GIT2: variants seen among roughly 807,000 people sequenced by gnomAD.
GIT2 encodes ARF GTPase-activating protein GIT2.
Under a neutral mutation model 100.3 loss-of-function variants are expected in GIT2, and 32 were observed. The observed-to-expected ratio is 0.32, with a 90% CI of 0.24 to 0.43. The LOEUF (loss-of-function observed/expected upper bound fraction) is 0.43. GIT2 is among the 20% of genes least tolerant of loss of function. The pLI is 1.00. For synonymous variants in GIT2, 353 were observed against 364.1 expected (o/e 0.97, Z 0.35); for missense variants, 737 against 975.1 (o/e 0.76, Z 3.25).
Position 109,948,748 on chromosome 12 carries a change from TAGG to T in GIT2, c.1393-1247_1393-1245del. On this transcript the variant is annotated intron_variant, in intron 14 of 19. Coordinates refer to ENST00000355312, the MANE Select transcript of GIT2 (RefSeq NM_057169.5). This position sits in a 1 kb window ranked among gnomAD's most constrained non-coding sequence, Gnocchi z 4.3. The stretch of plus-strand genomic sequence containing the variant: ...TTTCAGTAGCAAACCCATTCAATGT[TAGG>T]AGTTACTTTCAATTTTTATTTAGAA... 1 of 1,565,992 alleles carries T rather than the reference TAGG, an allele frequency of 6.4e-7. No individual in the cohort carries two copies. The highest frequency in any genetic ancestry group is 1.2e-5 in the South Asian group (1 of 82,746).
At chr12:109,980,348 C>T (rs149979537) in intron 7 of GIT2, among the ~76,000 whole-genome samples, 2 of 152,296 alleles carry the variant, frequency 1.3e-5, no homozygotes, top group East Asian at 1.9e-4. Context: ...GGATTACAGA[C>T]ATGACCCGTT....
At chr12:109,998,936 T>A (rs150701920), upstream of GIT2, 1 of 152,274 alleles carries the variant, frequency 6.6e-6, no homozygotes, top group Non-Finnish European at 1.5e-5. Flanking sequence ...TGAGAAATCA[T>A]GAAGTAGAAA....
At chr12:109,976,536 G>A (rs1324255426) in intron 7 of GIT2, among the ~76,000 whole-genome samples, 12 of 150,644 alleles carry the variant, frequency 8.0e-5, no homozygotes, top group Non-Finnish European at 1.5e-4. Flanking sequence ...TGCCCACCTC[G>A]GCCTCCCAAA....
intron 11 of GIT2, among the ~76,000 whole-genome samples, chr12:109,960,394 CGGGA>C (rs1162996653): frequency 6.6e-6 from 1 of 152,012 alleles, no homozygotes; most frequent in Non-Finnish European, 1.5e-5. Context: ...GAGGCTGAGG[CGGGA>C]GGATCACTTG....
At chr12:109,967,630 G>C (rs1882831671) in intron 7 of GIT2, 127 bp from the exon 8 acceptor site, 1 of 686,726 alleles carries the variant, frequency 1.5e-6, no homozygotes, top group African/African-American at 1.8e-5. Flanking sequence ...GAGTCATGTT[G>C]CTAGACTAGC....
chr12:109,945,228 C>T, intron 16 of GIT2, 32 bp downstream of exon 16: 1 of 1,095,964 alleles, frequency 9.1e-7, no homozygotes, highest in Non-Finnish European at 1.4e-6. Flanking sequence ...GGCCCCTCCT[C>T]CAGAGAGCAG....
Position 109,934,749 on chromosome 12 carries a change from C to G in GIT2, c.2004-664G>C, listed in dbSNP as rs1034909529. ...GTCATAAGCAACTTATGCACTTCAC[C>G]TTTGTAACAAGTCTAGTTTCAAAAC... is the stretch of plus-strand genomic sequence containing the variant. On this transcript the variant is annotated intron_variant, in intron 18 of 19. Transcript: ENST00000355312. This position sits in a 1 kb window ranked among gnomAD's most constrained non-coding sequence, Gnocchi z 4.5. Among the ~76,000 whole-genome samples, 3 of 152,102 alleles carry G rather than the reference C, an allele frequency of 2.0e-5. No individual in the cohort carries two copies. The highest frequency in any genetic ancestry group is 7.2e-5 in the African/African-American group (3 of 41,434).
At chr12:109,965,918 T>C (rs369572441) in intron 8 of GIT2, among the ~76,000 whole-genome samples, 3 of 151,482 alleles carry the variant, frequency 2.0e-5, no homozygotes, top group East Asian at 1.9e-4. Flanking sequence ...TAAGAAAATA[T>C]GTCGGGCTCG....
At position 109,996,156 on chromosome 12, in the gene GIT2, C is replaced by G; in HGVS notation, c.52+17G>C. 6.7e-7 allele frequency: 1 copy of G among 1,492,150 alleles called. No individual in the cohort carries two copies. Among genetic ancestry groups the G allele is most frequent in the Non-Finnish European group, 9.0e-7 (1 of 1,110,766 alleles). The allele number at this position is 1,492,150 out of a possible 1,614,324, so 92.4% of individuals were successfully genotyped here. On this transcript the variant is annotated intron_variant, in intron 1 of 19. Coordinates refer to ENST00000355312, the MANE Select transcript of GIT2 (RefSeq NM_057169.5). Reference sequence around the variant, plus strand: ...CCAGGAAAGCAGAGGGGAGCGGGCCCGGCCGGTGCGACTCACCCGGCCCGC... The same window carrying G: ...CCAGGAAAGCAGAGGGGAGCGGGCCGGGCCGGTGCGACTCACCCGGCCCGC...
At chr12:109,988,228 C>CT (rs527759242) in intron 4 of GIT2, among the ~76,000 whole-genome samples, 46 of 152,304 alleles carry the variant, frequency 3.0e-4, no homozygotes, top group African/African-American at 1.1e-3. Flanking sequence ...TGAACCTCCA[C>CT]TATATGAATG....
chr12:109,964,491 A>G (rs533010786), intron 9 of GIT2, among the ~76,000 whole-genome samples: 15 of 152,100 alleles, frequency 9.9e-5, no homozygotes, highest in Admixed American at 3.3e-4. Context: ...CGCTACCTAC[A>G]CTGGTCAGAT....
intron 4 of GIT2, among the ~76,000 whole-genome samples, chr12:109,985,632 T>G (rs1379592359): frequency 6.6e-6 from 1 of 152,020 alleles, no homozygotes; most frequent in Non-Finnish European, 1.5e-5. Flanking sequence ...GGCAGATCAC[T>G]TGAGGTCAGG....
intron 8 of GIT2, among the ~76,000 whole-genome samples, chr12:109,966,212 T>C (rs1593057941): frequency 7.0e-6 from 1 of 143,494 alleles, no homozygotes; most frequent in Non-Finnish European, 1.5e-5. Flanking sequence ...GCCAGGCTGG[T>C]CTCGAACTCC....
intron 1 of GIT2, among the ~76,000 whole-genome samples, chr12:109,995,782 G>A (rs774413506): frequency 2.0e-4 from 30 of 152,216 alleles, no homozygotes; most frequent in Non-Finnish European, 3.7e-4. Context: ...GGCGGAGAAA[G>A]GGTCTAGTGG....
intron 7 of GIT2, among the ~76,000 whole-genome samples, chr12:109,968,473 G>C (rs868733876): frequency 7.2e-5 from 11 of 152,266 alleles, no homozygotes; most frequent in African/African-American, 2.4e-4. Context: ...GCCCAGGCTG[G>C]AGTGCAATGG....
At chr12:109,997,418 A>G (rs1889600757), upstream of GIT2, 1 of 152,068 alleles carries the variant, frequency 6.6e-6, no homozygotes, top group Non-Finnish European at 1.5e-5. Flanking sequence ...ACAAAAAAGA[A>G]TATATTAGAT....
Position 109,948,870 on chromosome 12 carries a change from A to G in GIT2, c.1393-1366T>C. The stretch of plus-strand genomic sequence containing the variant: ...AACTGTTAAATGTGAAAGATCAGAT[A>G]CAAATCATGCTACTTTGTCAACTTT... On this transcript the variant is annotated intron_variant, in intron 14 of 19. Coordinates refer to ENST00000355312, the MANE Select transcript of GIT2 (RefSeq NM_057169.5). The surrounding 1 kb of genome is among the most constrained non-coding windows in gnomAD (Gnocchi z 4.3). 6.6e-7 allele frequency: 1 copy of G among 1,521,356 alleles called. No homozygotes were observed. 94.2% of individuals were successfully genotyped at this position (1,521,356 alleles called of 1,614,324 possible). A position where few individuals can be genotyped will look rare whatever the true frequency, so the allele number is the denominator to read the frequency against.
At chr12:109,977,535 T>A (rs1478777135) in intron 7 of GIT2, among the ~76,000 whole-genome samples, 1 of 149,622 alleles carries the variant, frequency 6.7e-6, no homozygotes, top group East Asian at 2.0e-4. Flanking sequence ...AATAAAAGTA[T>A]TATTCTGGCT....
chr12:109,962,294 A>G lies in GIT2; in HGVS notation c.817-609T>C, dbSNP rs530065123. Among the ~76,000 whole-genome samples the G allele has an allele frequency of 1.3e-5, 2 of 151,510 alleles. No homozygotes were observed. Among genetic ancestry groups the G allele is most frequent in the Admixed American group, 1.3e-4 (2 of 15,282 alleles). On this transcript the variant is annotated intron_variant, in intron 9 of 19. Transcript: ENST00000355312. The surrounding 1 kb of genome is among the most constrained non-coding windows in gnomAD (Gnocchi z 4.3). Reference sequence around the variant, plus strand: ...CTTCAGCCCAGGATATCAAGGCTGCAGTGAGCCAAGATCACACCACTGCAC... The same window carrying G: ...CTTCAGCCCAGGATATCAAGGCTGCGGTGAGCCAAGATCACACCACTGCAC...
Sources: allele counts gnomAD v4.1 joint callset (sites outside exome capture counted in the v4.1 genomes callset), GRCh38; gene constraint gnomAD v4.1.1; non-coding constraint Gnocchi (gnomAD v3.1); transcripts MANE v1.5; gene names NCBI Gene and HGNC (gene_info 2026-07-23, HGNC 2026-07-21).